The following SHANK2 variants were observed in gnomAD, a reference collection of about 807,000 sequenced individuals.
SHANK2 encodes the protein SH3 and multiple ankyrin repeat domains 2, also known as SH3 and multiple ankyrin repeat domains protein 2.
Under a neutral mutation model 133.7 loss-of-function variants are expected in SHANK2, and 43 were observed. That is an observed-to-expected ratio of 0.32 (90% confidence interval 0.25 to 0.41). SHANK2 has a LOEUF of 0.41. Among genes scored for constraint, SHANK2 ranks in the 10% least tolerant of loss-of-function variants. The pLI, the probability that SHANK2 is intolerant of heterozygous loss-of-function variation, is 1.00. For missense variants in SHANK2, 1,994 were observed against 2,235.8 expected, an observed-to-expected ratio of 0.89 and a Z score of 2.18; for synonymous variants, 1,017 against 952.8, an observed-to-expected ratio of 1.07 and a Z score of -1.24.
chr11:70,695,753 A>G (rs190038285), intron 15 of SHANK2, among the ~76,000 whole-genome samples: 1 of 152,330 alleles, frequency 6.6e-6, no homozygotes, highest in East Asian at 1.9e-4. Flanking sequence ...CTCAGCTATG[A>G]ACAGGGCTGT....
intron 17 of SHANK2, among the ~76,000 whole-genome samples, chr11:70,541,003 G>A (rs2059615447): frequency 6.6e-6 from 1 of 152,060 alleles, no homozygotes; most frequent in Admixed American, 6.6e-5. Context: ...CCCAGCCCCT[G>A]GCACTCACCC....
In SHANK2 at chr11:70,881,361, A is replaced by G. The variant is rs1333146297; in HGVS notation, c.1174+15140T>C. Among the ~76,000 whole-genome samples the G allele has an allele frequency of 4.6e-5, 7 of 152,090 alleles. No individual in the cohort carries two copies. The East Asian group carries it at 1.4e-3, about 29-fold the overall frequency. On this transcript the variant is annotated intron_variant, in intron 11 of 25. Coordinates refer to ENST00000601538, the MANE Select transcript of SHANK2 (RefSeq NM_012309.5). ...CTTGCCTGGCCAAGAGTCTTTCTAC[A>G]GCTTCACCATGAAGCAGGTGGGTGA... is the stretch of plus-strand genomic sequence containing the variant.
chr11:71,122,645 A>G (rs1952101359), intron 3 of SHANK2, among the ~76,000 whole-genome samples: 1 of 152,168 alleles, frequency 6.6e-6, no homozygotes, highest in African/African-American at 2.4e-5. Flanking sequence ...TTAAAGTATA[A>G]TTTTAAAAAA....
intron 17 of SHANK2, among the ~76,000 whole-genome samples, chr11:70,584,323 A>G (rs1292394968): frequency 2.0e-5 from 3 of 151,850 alleles, no homozygotes; most frequent in African/African-American, 4.8e-5. Context: ...TGTGTCTTTT[A>G]TTTTCTCTTT....
At chr11:70,708,271 G>C (rs1565258330) in intron 14 of SHANK2, among the ~76,000 whole-genome samples, 1 of 152,016 alleles carries the variant, frequency 6.6e-6, no homozygotes, top group Non-Finnish European at 1.5e-5. Context: ...GTCCTGGCTC[G>C]GTGGCCCATT....
chr11:70,605,508 G>A (rs892629563), intron 17 of SHANK2, among the ~76,000 whole-genome samples: 4 of 152,228 alleles, frequency 2.6e-5, no homozygotes, highest in Non-Finnish European at 5.9e-5. Flanking sequence ...AGCACGCTGG[G>A]ACCACAGAGC....
intron 17 of SHANK2, chr11:70,631,969 C>T (rs868916123): frequency 1.3e-5 from 2 of 152,268 alleles, no homozygotes; most frequent in Non-Finnish European, 2.9e-5. Context: ...CTTGGAATCA[C>T]ACGCAGAAAT....
chr11:70,652,240 C>T (rs116194420), intron 17 of SHANK2, among the ~76,000 whole-genome samples: 179 of 152,236 alleles, frequency 1.2e-3, no homozygotes, highest in African/African-American at 3.9e-3. Context: ...TGGAGGCTGG[C>T]GGGTGGGGTG....
At chr11:70,549,056 C>G (rs10899154) in intron 17 of SHANK2, among the ~76,000 whole-genome samples, 91,049 of 152,008 alleles carry the variant, frequency 0.6, 27,919 homozygotes, top group East Asian at 0.89. Flanking sequence ...TGTCAGAGAC[C>G]ACGCCTCTGT....
chr11:71,112,780 T>C (rs1259202954), intron 5 of SHANK2, among the ~76,000 whole-genome samples: 2 of 151,868 alleles, frequency 1.3e-5, no homozygotes, highest in African/African-American at 4.8e-5. Context: ...AGGGTGTTCA[T>C]GGTGTGGATG....
intron 11 of SHANK2, among the ~76,000 whole-genome samples, chr11:70,842,636 C>T (rs1373748897): frequency 6.6e-6 from 1 of 152,322 alleles, no homozygotes; most frequent in East Asian, 1.9e-4. Flanking sequence ...AGCCTAGGTC[C>T]CTCGGCCAGG....
intron 3 of SHANK2, among the ~76,000 whole-genome samples, chr11:71,130,887 C>G (rs1429299027): frequency 6.6e-6 from 1 of 152,212 alleles, no homozygotes; most frequent in East Asian, 1.9e-4. Flanking sequence ...CAGCGTTCAG[C>G]AAGAACTTAG....
At chr11:71,097,972 A>G (rs1230788513) in intron 6 of SHANK2, among the ~76,000 whole-genome samples, 1 of 142,972 alleles carries the variant, frequency 7.0e-6, no homozygotes, top group Admixed American at 6.9e-5. Context: ...CTGTGTGTGC[A>G]TGTGCCTGTG....
chr11:71,113,217 C>T, intron 5 of SHANK2, 76 bp downstream of exon 5: 1 of 1,328,692 alleles, frequency 7.5e-7, no homozygotes, highest in South Asian at 1.3e-5. Context: ...AGAGGAGCGT[C>T]TAAAGATAAC....
At chr11:70,797,353 C>T (rs781967686) in intron 14 of SHANK2, among the ~76,000 whole-genome samples, 4 of 152,204 alleles carry the variant, frequency 2.6e-5, no homozygotes, top group Non-Finnish European at 5.9e-5. Flanking sequence ...TGGGACATGT[C>T]TTAACTCAAT....
At chr11:70,934,244 A>AC (rs1380484760) in intron 10 of SHANK2, among the ~76,000 whole-genome samples, 1 of 64,072 alleles carries the variant, frequency 1.6e-5, no homozygotes, top group East Asian at 7.0e-4. Flanking sequence ...CAACAACACC[A>AC]CCAAAAAAAA....
intron 2 of SHANK2, among the ~76,000 whole-genome samples, chr11:71,191,989 T>G (rs1591005370): frequency 6.6e-6 from 1 of 152,130 alleles, no homozygotes; most frequent in South Asian, 2.1e-4. Flanking sequence ...GCCTCCTGAA[T>G]AGCTGGGACT....
At chr11:70,502,978 G>T (rs1555159223) in intron 17 of SHANK2, 47 bp from the exon 18 acceptor site, 5 of 1,610,074 alleles carry the variant, frequency 3.1e-6, no homozygotes, top group Non-Finnish European at 4.2e-6. Context: ...CAGCGGAGAG[G>T]AAGACAGTTG....
intron 17 of SHANK2, among the ~76,000 whole-genome samples, chr11:70,554,845 T>TC (rs1269017304): frequency 1.3e-5 from 2 of 151,764 alleles, no homozygotes; most frequent in African/African-American, 2.4e-5. Context: ...TTTTTTTTTT[T>TC]TTTGAGAATG....
Sources: allele counts gnomAD v4.1 joint callset (sites outside exome capture counted in the v4.1 genomes callset), GRCh38; gene constraint gnomAD v4.1.1; transcripts MANE v1.5; gene names NCBI Gene and HGNC (gene_info 2026-07-23, HGNC 2026-07-21).